Variants in NLRC5 observed in about 807,000 individuals in gnomAD.
NLRC5 encodes protein NLRC5.
A neutral mutation model predicts 206.9 loss-of-function variants in NLRC5; 114 were observed. The ratio of observed to expected loss-of-function variants is 0.55; its 90% CI spans 0.47 to 0.64. NLRC5 has a LOEUF of 0.64. Among genes scored for constraint, NLRC5 ranks in the 30% least tolerant of loss-of-function variants. The pLI, the probability that NLRC5 is intolerant of heterozygous loss-of-function variation, is 0.00. For synonymous variants in NLRC5, 952 were observed against 962.8 expected (o/e 0.99, Z 0.21); for missense variants, 2,008 against 2,305.5 (o/e 0.87, Z 2.64).
intron 1 of NLRC5, among the ~76,000 whole-genome samples, chr16:57,001,959 T>C (rs1264021783): frequency 2.0e-5 from 3 of 151,360 alleles, no homozygotes; most frequent in African/African-American, 7.3e-5. Flanking sequence ...ATGACTTAAA[T>C]TGTTTTGATT....
chr16:57,030,381 A>AAGAT (rs1196701479), intron 10 of NLRC5, among the ~76,000 whole-genome samples: 1 of 55,594 alleles, frequency 1.8e-5, no homozygotes, highest in African/African-American at 6.6e-5. Flanking sequence ...GGTGGATGAA[A>AAGAT]AGATGGATGG....
intron 4 of NLRC5, among the ~76,000 whole-genome samples, chr16:57,023,273 G>C (rs1248457433): frequency 6.6e-6 from 1 of 152,090 alleles, no homozygotes; most frequent in South Asian, 2.1e-4. Flanking sequence ...AGGCATTAAA[G>C]TGATTGTTGA....
intron 38 of NLRC5, among the ~76,000 whole-genome samples, chr16:57,070,874 G>GGA: frequency 6.8e-6 from 1 of 146,062 alleles, no homozygotes; most frequent in African/African-American, 2.7e-5. Flanking sequence ...GAGTGGTGAT[G>GGA]GTGGTTAATG....
intron 15 of NLRC5, 141 bp from the exon 16 acceptor site, chr16:57,039,640 C>T: frequency 5.5e-6 from 4 of 724,052 alleles, no homozygotes; most frequent in Non-Finnish European, 9.6e-6. Context: ...TTGCTTGAGC[C>T]CAGGAGGTGG....
chr16:57,079,163 G>A, intron 44 of NLRC5, 30 bp downstream of exon 44: 1 of 1,613,348 alleles, frequency 6.2e-7, no homozygotes. Context: ...CCCAGGCACG[G>A]GGACAGTCCT....
intron 1 of NLRC5, among the ~76,000 whole-genome samples, chr16:56,991,379 CTTTTTTTTTTTTT>C (rs55678024): frequency 1.9e-5 from 2 of 105,912 alleles, no homozygotes; most frequent in Non-Finnish European, 3.8e-5. Flanking sequence ...TTCTTTATTC[CTTTTTTTTTTTTT>C]TTTTTTTTTG....
At chr16:57,047,988 C>T in intron 23 of NLRC5, 1 of 249,924 alleles carries the variant, frequency 4.0e-6, no homozygotes, top group South Asian at 8.1e-5. Flanking sequence ...CTTCTGAAAG[C>T]CCTTCCTCAA....
At position 57,031,391 on chromosome 16, in the gene NLRC5, T is replaced by C; in HGVS notation, c.2418-13T>C. On this transcript the variant is annotated splice_polypyrimidine_tract_variant and intron_variant, in intron 10 of 48. Transcript: ENST00000688547. The stretch of plus-strand genomic sequence containing the variant: ...AGTCTCTGGGTTTCATGGCTTGGTA[T>C]CTGATCCTGCAGGGAGGCGGACCTC... The C allele has an allele frequency of 6.2e-7, 1 of 1,613,950 alleles. No homozygotes were observed. Among genetic ancestry groups the C allele is most frequent in the South Asian group, 1.1e-5 (1 of 91,058 alleles).
chr16:57,059,527 A>G lies in NLRC5; in HGVS notation c.3981A>G (p.Thr1327=). The G allele has an allele frequency of 1.2e-6, 2 of 1,611,198 alleles. 1 individual carries two copies. The highest frequency in any genetic ancestry group is 2.2e-5 in the South Asian group (2 of 90,438). The part of the protein sequence containing the change: ...HFSREDQAGK[T]LRLSECSFRP... Reference sequence around the variant, plus strand: ...CCAGAGAGGACCAGGCTGGGAAGACACTCAGGTAATCCCTGCAGGGTGATG... The same window carrying G: ...CCAGAGAGGACCAGGCTGGGAAGACGCTCAGGTAATCCCTGCAGGGTGATG... The change falls in exon 30 of 49, where the codon ACA becomes ACG. Residue 1327 remains threonine, a synonymous_variant. Coordinates refer to ENST00000688547, the MANE Select transcript of NLRC5 (RefSeq NM_001384950.1).
chr16:57,029,821 G>T lies in NLRC5; in HGVS notation c.2292G>T (p.Glu764Asp). ...ACCAGGTGGTGCTGAACATTGTGGA[G>T]GTTCTCCCTCACCTACCACGGCTCC... ...LSDQVVLNIV[E>D]VLPHLPRLRK... The change falls in exon 9 of 49, where the codon GAG becomes GAT. Residue 764 changes from glutamate to aspartate, a missense_variant. Transcript: ENST00000688547. 6.2e-7 allele frequency: 1 copy of T among 1,614,184 alleles called. No homozygotes were observed. The highest frequency in any genetic ancestry group is 1.1e-5 in the South Asian group (1 of 91,082).
At chr16:57,033,010 AT>A (rs1161082161) in intron 11 of NLRC5, among the ~76,000 whole-genome samples, 1 of 151,814 alleles carries the variant, frequency 6.6e-6, no homozygotes, top group Non-Finnish European at 1.5e-5. Flanking sequence ...AAAAAAAAAA[AT>A]GGTTAGCACC....
intron 30 of NLRC5, 131 bp downstream of exon 30, chr16:57,059,663 G>A: frequency 1.2e-6 from 1 of 848,040 alleles, no homozygotes; most frequent in Non-Finnish European, 1.7e-6. Context: ...CACTGCCTGG[G>A]TCTGTTCCTC....
At chr16:57,056,545 G>T (rs2065686335) in intron 27 of NLRC5, among the ~76,000 whole-genome samples, 1 of 152,162 alleles carries the variant, frequency 6.6e-6, no homozygotes, top group African/African-American at 2.4e-5. Context: ...AGCCTCCCAG[G>T]TTGCTGAGAT....
rs1340977217 is a variant in NLRC5, at chr16:57,079,066, C to A, written c.5098C>A (p.Leu1700Met). ...TTTCCCCAGCCTACCATTCAGCCAT[C>A]TGGGCCCAGGTGGGGCCCTGAGCCT... is the stretch of plus-strand genomic sequence containing the variant. ...LRVLHLPFSH[L>M]GPGGALSLAQ... The change falls in exon 44 of 49, where the codon CTG becomes ATG. Residue 1700 changes from leucine (L) to methionine (M), a missense_variant. Physicochemically the swap from Leu to Met is conservative, Grantham distance 15. Coordinates refer to ENST00000688547, the MANE Select transcript of NLRC5 (RefSeq NM_001384950.1). 12 of 1,614,068 alleles carry A rather than the reference C, an allele frequency of 7.4e-6. No homozygotes were observed. Among genetic ancestry groups the A allele is most frequent in the African/African-American group, 4.0e-5 (3 of 74,942 alleles).
At chr16:57,024,731 T>C (rs1041496748) in intron 5 of NLRC5, among the ~76,000 whole-genome samples, 2 of 152,160 alleles carry the variant, frequency 1.3e-5, no homozygotes, top group Admixed American at 1.3e-4. Flanking sequence ...GCAAAGTAGC[T>C]GGGCGCGGTG....
intron 13 of NLRC5, chr16:57,034,468 C>T: frequency 1.8e-6 from 1 of 553,082 alleles, no homozygotes; most frequent in East Asian, 3.1e-5. Flanking sequence ...ATTCACTCCT[C>T]ACATCTCTGT....
At position 57,026,248 on chromosome 16, in the gene NLRC5, G is replaced by A; in HGVS notation, c.1305G>A (p.Met435Ile). The change falls in exon 6 of 49, where the codon ATG (methionine) becomes ATA (isoleucine). Residue 435 changes from methionine (M) to isoleucine (I), a missense_variant. Met to Ile is a conservative substitution (Grantham distance 10). Transcript: ENST00000688547. ...AGTCTGTGGCCCTCCTGCCCAACATGACTCAGCTCTATATGCAGATGGTGC... is the reference window on the plus strand; with the variant it reads ...AGTCTGTGGCCCTCCTGCCCAACATAACTCAGCTCTATATGCAGATGGTGC... The part of the protein sequence containing the change: ...PGQSVALLPN[M>I]TQLYMQMVLA... The A allele has an allele frequency of 6.2e-7, 1 of 1,613,866 alleles. No individual in the cohort carries two copies. Among genetic ancestry groups the A allele is most frequent in the Non-Finnish European group, 8.5e-7 (1 of 1,180,046 alleles).
At chr16:56,991,404 C>T (rs1412452463) in intron 1 of NLRC5, among the ~76,000 whole-genome samples, 3 of 107,002 alleles carry the variant, frequency 2.8e-5, no homozygotes, top group Admixed American at 1.3e-4. Flanking sequence ...TTTTTTTTGA[C>T]GAAGTCTCAC....
At chr16:56,997,970 C>T (rs2057815434) in intron 1 of NLRC5, among the ~76,000 whole-genome samples, 1 of 152,130 alleles carries the variant, frequency 6.6e-6, no homozygotes, top group African/African-American at 2.4e-5. Context: ...CAAACCATGG[C>T]CCAAAGGGAG....
Sources: allele counts gnomAD v4.1 joint callset (sites outside exome capture counted in the v4.1 genomes callset), GRCh38; gene constraint gnomAD v4.1.1; transcripts MANE v1.5; gene names NCBI Gene and HGNC (gene_info 2026-07-23, HGNC 2026-07-21).